The following PCDHGA5 variants were observed in gnomAD, a reference collection of about 807,000 sequenced individuals.
PCDHGA5 encodes the protein protocadherin gamma subfamily A, 5.
PCDHGA5 carries 36 observed loss-of-function variants against 56.7 expected under a neutral mutation model. The ratio of observed to expected loss-of-function variants is 0.64; its 90% CI spans 0.49 to 0.84. The LOEUF (loss-of-function observed/expected upper bound fraction) is 0.84, where lower values mean the gene tolerates loss of function less well. Ranked by LOEUF, PCDHGA5 falls within the 40% of genes least tolerant of loss-of-function variation. The pLI is 0.00. For missense variants in PCDHGA5, 1,305 were observed against 1,201.5 expected (o/e 1.09, Z -1.27); for synonymous variants, 563 against 520.2 (o/e 1.08, Z -1.12).
chr5:141,468,505 C>A (rs1293623271), intron 1 of PCDHGA5: 1 of 152,020 alleles, frequency 6.6e-6, no homozygotes, highest in East Asian at 1.9e-4. Context: ...TTCATGTGGA[C>A]AAATTTAGTA....
Position 141,476,556 on chromosome 5 carries a change from C to A in PCDHGA5, c.2422-18251C>A. 1 of 1,614,234 alleles carries A rather than the reference C, an allele frequency of 6.2e-7. No homozygotes were observed. Among genetic ancestry groups the A allele is most frequent in the Non-Finnish European group, 8.5e-7 (1 of 1,180,036 alleles). ...GAAATGAAATTGGAGATTAGCGAGG[C>A]CGTGGCTCCGGGGACGCGCTTTCCG... On this transcript the variant is annotated intron_variant, in intron 1 of 3. Coordinates refer to ENST00000518069, the MANE Select transcript of PCDHGA5 (RefSeq NM_018918.3). The surrounding 1 kb of genome is among the most constrained non-coding windows in gnomAD (Gnocchi z 7.6).
At chr5:141,387,663 T>G (rs999949836) in intron 1 of PCDHGA5, 6 of 673,368 alleles carry the variant, frequency 8.9e-6, no homozygotes, top group Admixed American at 6.4e-5. Flanking sequence ...AGCTTGGCGC[T>G]CCAGATCTCC....
Position 141,432,972 on chromosome 5 carries a change from C to T in PCDHGA5, c.2422-61835C>T. 1 of 1,614,218 alleles carries T rather than the reference C, an allele frequency of 6.2e-7. No homozygotes were observed. Among genetic ancestry groups the T allele is most frequent in the African/African-American group, 1.3e-5 (1 of 75,058 alleles). ...GGCGGCTTGACAGGAGCGCCGGCGT[C>T]GCACTTTGTGGGCGTGGACGGGGTG... On this transcript the variant is annotated intron_variant, in intron 1 of 3. Coordinates refer to ENST00000518069, the MANE Select transcript of PCDHGA5 (RefSeq NM_018918.3). This position sits in a 1 kb window ranked among gnomAD's most constrained non-coding sequence, Gnocchi z 6.0.
At position 141,408,870 on chromosome 5, in the gene PCDHGA5, G is replaced by C. The variant is rs780987841; in HGVS notation, c.2421+42119G>C. ...TTGGACGGAGGGGACCCACCAAGAAGTGCCACCGCTCACATAGAAATTTCT... is the reference window on the plus strand; with the variant it reads ...TTGGACGGAGGGGACCCACCAAGAACTGCCACCGCTCACATAGAAATTTCT... On this transcript the variant is annotated intron_variant, in intron 1 of 3. Coordinates refer to ENST00000518069, the MANE Select transcript of PCDHGA5 (RefSeq NM_018918.3). The C allele has an allele frequency of 1.2e-6, 2 of 1,613,656 alleles. No homozygotes were observed. Among genetic ancestry groups the C allele is most frequent in the South Asian group, 1.1e-5 (1 of 91,026 alleles).
At chr5:141,393,534 G>GA in intron 1 of PCDHGA5, 1 of 1,613,928 alleles carries the variant, frequency 6.2e-7, no homozygotes, top group Non-Finnish European at 8.5e-7. Flanking sequence ...CAATGCCCCG[G>GA]TTTTTCCTCA....
rs549307445 is a variant in PCDHGA5, at chr5:141,400,703, G to T, written c.2421+33952G>T. On this transcript the variant is annotated intron_variant, in intron 1 of 3. Transcript: ENST00000518069. The stretch of plus-strand genomic sequence containing the variant: ...TTGTGAGTTTTTATGTCGCATAAAA[G>T]AAGTAGCCTTATAGATTTACAAAGT... 6 of 714,832 alleles carry T rather than the reference G, an allele frequency of 8.4e-6. No homozygotes were observed. In the Admixed American group the frequency reaches 1.4e-4, roughly 17 times the overall value. The allele number at this position is 714,832 out of a possible 1,614,324, so 44.3% of individuals were successfully genotyped here. A position where few individuals can be genotyped will look rare whatever the true frequency, so the allele number is the denominator to read the frequency against.
intron 2 of PCDHGA5, among the ~76,000 whole-genome samples, chr5:141,501,290 TACACAC>T (rs55762287): frequency 0.081 from 10,957 of 136,038 alleles, 480 homozygotes; most frequent in African/African-American, 0.13. Context: ...TATTCCCTTA[TACACAC>T]ACACACACAC....
chr5:141,389,983 T>C (rs1224770373), intron 1 of PCDHGA5: 1 of 1,614,014 alleles, frequency 6.2e-7, no homozygotes, highest in East Asian at 2.2e-5. Context: ...ATCTCAGTGC[T>C]CTTCCTCGTG....
intron 1 of PCDHGA5, chr5:141,413,515 G>C: frequency 6.2e-7 from 1 of 1,613,984 alleles, no homozygotes; most frequent in Non-Finnish European, 8.5e-7. Context: ...TAATATCCTT[G>C]TGGAAGACAG....
intron 1 of PCDHGA5, chr5:141,410,151 G>A: frequency 6.2e-7 from 1 of 1,613,018 alleles, no homozygotes; most frequent in Non-Finnish European, 8.5e-7. Flanking sequence ...CGTGACGGTG[G>A]ACAGCCGCCA....
chr5:141,419,824 AGCCACTGCCACGCT>A, intron 1 of PCDHGA5: 1 of 1,614,038 alleles, frequency 6.2e-7, no homozygotes, highest in South Asian at 1.1e-5. Context: ...CACCCCTTTC[AGCCACTGCCACGCT>A]GCACCTGGTG....
chr5:141,427,936 G>A, intron 1 of PCDHGA5: 1 of 1,584,966 alleles, frequency 6.3e-7, no homozygotes, highest in Admixed American at 1.7e-5. Context: ...ATGTTGGTGG[G>A]CGACCTCAAT....
chr5:141,485,887 C>T lies in PCDHGA5; in HGVS notation c.2422-8920C>T. 1 of 1,614,098 alleles carries T rather than the reference C, an allele frequency of 6.2e-7. No homozygotes were observed. On this transcript the variant is annotated intron_variant, in intron 1 of 3. Transcript: ENST00000518069. The surrounding 1 kb of genome is among the most constrained non-coding windows in gnomAD (Gnocchi z 5.7). ...TATCCGTGCTGGACGTAAACGACAA[C>T]GCCCCAGCCTTCCAGCAATCCAGCT...
intron 1 of PCDHGA5, chr5:141,408,864 C>T: frequency 1.2e-6 from 2 of 1,613,638 alleles, no homozygotes; most frequent in Non-Finnish European, 8.5e-7. Context: ...GGGGACCCAC[C>T]AAGAAGTGCC....
At chr5:141,375,705 C>G (rs1257909608) in intron 1 of PCDHGA5, 26 of 1,614,162 alleles carry the variant, frequency 1.6e-5, no homozygotes, top group Non-Finnish European at 2.1e-5. Context: ...GGGGACCCGC[C>G]TCTTAGCAGC....
At chr5:141,372,565 A>T (rs1005971734) in intron 1 of PCDHGA5, 4 of 1,614,038 alleles carry the variant, frequency 2.5e-6, no homozygotes, top group Non-Finnish European at 3.4e-6. Context: ...CCCGCCACTG[A>T]GGGCTACTTT....
At chr5:141,466,765 G>A (rs1199343616) in intron 1 of PCDHGA5, among the ~76,000 whole-genome samples, 1 of 151,996 alleles carries the variant, frequency 6.6e-6, no homozygotes, top group African/African-American at 2.4e-5. Context: ...TTTTCAAACT[G>A]TTATCTTATT....
chr5:141,414,517 G>C, intron 1 of PCDHGA5: 1 of 1,613,964 alleles, frequency 6.2e-7, no homozygotes, highest in South Asian at 1.1e-5. Context: ...ACAAGTGGCA[G>C]ATATCAATGA....
At chr5:141,420,301 C>CT (rs768732518) in intron 1 of PCDHGA5, 1 of 1,462,190 alleles carries the variant, frequency 6.8e-7, no homozygotes, top group African/African-American at 1.4e-5. Flanking sequence ...GTATTTAATC[C>CT]TTTTTATATT....
Sources: gnomAD v4.1 joint callset for allele counts (sites outside exome capture counted in the v4.1 genomes callset) on GRCh38, gnomAD v4.1.1 for gene constraint, Gnocchi (gnomAD v3.1) non-coding constraint, MANE v1.5 for transcripts, NCBI Gene and HGNC (gene_info 2026-07-23, HGNC 2026-07-21) for gene names.